TINAG: variants seen among roughly 807,000 people sequenced by gnomAD.
TINAG encodes the protein tubulointerstitial nephritis antigen.
TINAG carries 83 observed loss-of-function variants against 72.7 expected under a neutral mutation model. The observed-to-expected ratio is 1.14, with a 90% CI of 0.96 to 1.37. The LOEUF (loss-of-function observed/expected upper bound fraction) is 1.37, where lower values mean the gene tolerates loss of function less well. Ranked by LOEUF, TINAG falls within the 40% of genes most tolerant of loss-of-function variation. TINAG has a pLI of 0.00. For synonymous variants in TINAG, 234 were observed against 189.9 expected, an observed-to-expected ratio of 1.23 and a Z score of -1.91; for missense variants, 685 against 576.6, an observed-to-expected ratio of 1.19 and a Z score of -1.93.
intron 4 of TINAG, among the ~76,000 whole-genome samples, chr6:54,340,154 T>A (rs571454431): frequency 6.6e-6 from 1 of 152,284 alleles, no homozygotes; most frequent in South Asian, 2.1e-4. Context: ...AATTTTTAAA[T>A]GAAAATACTG....
At chr6:54,382,834 C>A (rs1763990666) in intron 10 of TINAG, among the ~76,000 whole-genome samples, 2 of 152,154 alleles carry the variant, frequency 1.3e-5, no homozygotes, top group Admixed American at 6.5e-5. Context: ...AGGAGAGAGA[C>A]AAGCAGATTC....
At chr6:54,360,839 G>GTTTT (rs773926586) in intron 9 of TINAG, among the ~76,000 whole-genome samples, 4 of 16,958 alleles carry the variant, frequency 2.4e-4, no homozygotes, top group East Asian at 2.3e-3. Context: ...CACAGATACT[G>GTTTT]TGTTTTTTTT....
chr6:54,389,962 T>A lies in TINAG; in HGVS notation c.*37T>A. On this transcript the variant is annotated 3_prime_UTR_variant, in exon 11 of 11. Transcript: ENST00000259782. ...ATTTCCATAAGGTCATGCCTTTAAGTAACCCCCTAAATTGAAGTTTAGCAA... is the reference window on the plus strand; with the variant it reads ...ATTTCCATAAGGTCATGCCTTTAAGAAACCCCCTAAATTGAAGTTTAGCAA... The A allele has an allele frequency of 6.3e-7, 1 of 1,594,286 alleles. No individual in the cohort carries two copies. The highest frequency in any genetic ancestry group is 2.3e-5 in the East Asian group (1 of 44,428).
intron 5 of TINAG, among the ~76,000 whole-genome samples, chr6:54,344,020 A>G (rs1431746564): frequency 6.6e-6 from 1 of 152,188 alleles, no homozygotes; most frequent in African/African-American, 2.4e-5. Flanking sequence ...TAGGTCTCCA[A>G]AATTGTCCTC....
chr6:54,381,915 T>A (rs12193891), intron 10 of TINAG, among the ~76,000 whole-genome samples: 22,479 of 151,994 alleles, frequency 0.15, 1,858 homozygotes, highest in Non-Finnish European at 0.18. Flanking sequence ...TATGAACGAA[T>A]GTGCAGAGGA....
intron 3 of TINAG, among the ~76,000 whole-genome samples, chr6:54,322,518 C>A (rs924069855): frequency 2.0e-5 from 3 of 152,096 alleles, no homozygotes; most frequent in Non-Finnish European, 4.4e-5. Flanking sequence ...ATAAAAAGAT[C>A]TATTATCAAG....
intron 1 of TINAG, among the ~76,000 whole-genome samples, chr6:54,311,451 G>A (rs1784256055): frequency 6.6e-6 from 1 of 152,180 alleles, no homozygotes; most frequent in Non-Finnish European, 1.5e-5. Context: ...TTTAATCTAA[G>A]TCTTGCCAGA....
intron 8 of TINAG, among the ~76,000 whole-genome samples, chr6:54,352,928 T>A (rs1785300452): frequency 6.6e-6 from 1 of 151,812 alleles, no homozygotes; most frequent in African/African-American, 2.4e-5. Flanking sequence ...TTATTCAACA[T>A]TCATTTAACA....
At chr6:54,370,311 A>C (rs1763564607) in intron 9 of TINAG, among the ~76,000 whole-genome samples, 2 of 152,058 alleles carry the variant, frequency 1.3e-5, no homozygotes, top group East Asian at 1.9e-4. Flanking sequence ...TGGGTGTATT[A>C]AAGGTGGTGA....
At chr6:54,314,142 T>A (rs1288169348) in intron 1 of TINAG, among the ~76,000 whole-genome samples, 1 of 152,194 alleles carries the variant, frequency 6.6e-6, no homozygotes, top group East Asian at 1.9e-4. Flanking sequence ...TAAATGTTTA[T>A]TTGATAAAAA....
In TINAG at chr6:54,353,601, C is replaced by T. The variant is rs118150112; in HGVS notation, c.1127-912C>T. Among the ~76,000 whole-genome samples the T allele has an allele frequency of 9.8e-3, 1,491 of 151,638 alleles. 16 individuals are homozygous for T. The highest frequency in any genetic ancestry group is 0.015 in the Admixed American group (231 of 15,170). The stretch of plus-strand genomic sequence containing the variant: ...GATAAAGAAGTTTTAACCTCTTTTG[C>T]GACTATTTGCACAGCATCAGAAAAG... On this transcript the variant is annotated intron_variant, in intron 8 of 10. Transcript: ENST00000259782.
intron 9 of TINAG, among the ~76,000 whole-genome samples, chr6:54,376,905 G>A (rs759070148): frequency 6.6e-6 from 1 of 152,106 alleles, no homozygotes; most frequent in Non-Finnish European, 1.5e-5. Context: ...CGGAAACCCA[G>A]TCTCAATGTA....
chr6:54,310,076 C>CGTGTGTGTGTGTGTGTGTGTGT (rs138971244), intron 1 of TINAG, among the ~76,000 whole-genome samples: 16 of 127,726 alleles, frequency 1.3e-4, no homozygotes, highest in Middle Eastern at 3.9e-3. Flanking sequence ...CTTTTTTTTC[C>CGTGTGTGTGTGTGTGTGTGTGT]GTGTGTGTGT....
intron 4 of TINAG, among the ~76,000 whole-genome samples, chr6:54,329,998 T>A (rs180988729): frequency 1.3e-5 from 2 of 151,916 alleles, no homozygotes; most frequent in Non-Finnish European, 1.5e-5. Context: ...CTACCGAGAC[T>A]TAGACTGTCA....
At chr6:54,347,340 T>A (rs368404062) in intron 5 of TINAG, 27 bp from the exon 6 acceptor site, 1 of 1,609,888 alleles carries the variant, frequency 6.2e-7, no homozygotes, top group African/African-American at 1.3e-5. Flanking sequence ...ATCATTTCAA[T>A]ATTAATTGAT....
intron 9 of TINAG, among the ~76,000 whole-genome samples, chr6:54,371,981 G>GTTTTTTTTTTTTTTTTTTTTTTTTTTT (rs576340253): frequency 1.4e-5 from 1 of 71,420 alleles, no homozygotes; most frequent in African/African-American, 5.1e-5. Flanking sequence ...TTCAAGTCAT[G>GTTTTTTTTTTTTTTTTTTTTTTTTTTT]TTTTTTTTTT....
chr6:54,378,540 T>C (rs1454163648), intron 9 of TINAG, among the ~76,000 whole-genome samples: 2 of 152,142 alleles, frequency 1.3e-5, no homozygotes, highest in African/African-American at 4.8e-5. Flanking sequence ...TTTTGGAAAA[T>C]TGTAACAAAA....
At chr6:54,322,657 T>A (rs189160835) in intron 3 of TINAG, among the ~76,000 whole-genome samples, 2 of 152,318 alleles carry the variant, frequency 1.3e-5, no homozygotes, top group Admixed American at 1.3e-4. Flanking sequence ...AAGTTTTTTC[T>A]TGGAACATAC....
At chr6:54,355,562 A>G (rs1763011212) in intron 9 of TINAG, among the ~76,000 whole-genome samples, 1 of 151,968 alleles carries the variant, frequency 6.6e-6, no homozygotes, top group Non-Finnish European at 1.5e-5. Flanking sequence ...TATTTCAATT[A>G]CAAAATTATC....
Sources: gnomAD v4.1 joint callset for allele counts (sites outside exome capture counted in the v4.1 genomes callset) on GRCh38, gnomAD v4.1.1 for gene constraint, MANE v1.5 for transcripts, NCBI Gene and HGNC (gene_info 2026-07-23, HGNC 2026-07-21) for gene names.